The following INPP4B variants were observed in gnomAD, a reference collection of about 807,000 sequenced individuals.
INPP4B encodes inositol polyphosphate 4-phosphatase type II.
INPP4B carries 55 observed loss-of-function variants against 122.5 expected under a neutral mutation model. The observed-to-expected ratio is 0.45, with a 90% CI of 0.36 to 0.56. INPP4B has a LOEUF of 0.56. Ranked by LOEUF, INPP4B falls within the 20% of genes least tolerant of loss-of-function variation. The pLI, the probability that INPP4B is intolerant of heterozygous loss-of-function variation, is 0.00. For synonymous variants in INPP4B, 403 were observed against 388.7 expected (o/e 1.04, Z -0.43); for missense variants, 1,000 against 1,097.7 (o/e 0.91, Z 1.26).
At position 142,082,072 on chromosome 4, in the gene INPP4B, T is replaced by C. The variant is rs1368563764; in HGVS notation, c.2601A>G (p.Leu867=). 5 of 1,481,910 alleles carry C rather than the reference T, an allele frequency of 3.4e-6. No homozygotes were observed. In the South Asian group the frequency reaches 4.4e-5, roughly 13 times the overall value. The allele number at this position is 1,481,910 out of a possible 1,614,324, so 91.8% of individuals were successfully genotyped here. The part of the protein sequence containing the change: ...QCSILRDEHQ[L]HKDFFIRALD... ...GCGCTCGGATAAAGAAGTCCTTGTG[T>C]AACTGGTGCTCATCTCTCAAGATTG... The change falls in exon 25 of 26, where the codon TTA becomes TTG. Residue 867 remains leucine (L), a synonymous_variant. Coordinates refer to ENST00000262992, the MANE Select transcript of INPP4B (RefSeq NM_001101669.3).
chr4:142,475,156 G>T (rs1452303101), intron 2 of INPP4B, among the ~76,000 whole-genome samples: 1 of 152,064 alleles, frequency 6.6e-6, no homozygotes, highest in Non-Finnish European at 1.5e-5. Flanking sequence ...AAAGAAATTT[G>T]GGCATAGAGA....
At chr4:142,286,581 T>C (rs1313285927) in intron 9 of INPP4B, among the ~76,000 whole-genome samples, 1 of 152,170 alleles carries the variant, frequency 6.6e-6, no homozygotes, top group Non-Finnish European at 1.5e-5. Flanking sequence ...CTGAGATAAA[T>C]TTCTTAGAAC....
intron 12 of INPP4B, among the ~76,000 whole-genome samples, chr4:142,236,941 T>A (rs6818735): frequency 0.14 from 21,195 of 152,186 alleles, 1,796 homozygotes; most frequent in African/African-American, 0.24. Flanking sequence ...GCTAATTTAA[T>A]GAGATTTAGA....
chr4:142,270,933 TTGTGTG>T (rs58469157), intron 9 of INPP4B, among the ~76,000 whole-genome samples, 159 bp from the exon 10 acceptor site: 14 of 148,538 alleles, frequency 9.4e-5, no homozygotes, highest in African/African-American at 3.0e-4. Context: ...GGGTAGGTGT[TTGTGTG>T]TGTGTGTGTG....
In INPP4B at chr4:142,777,007, G is replaced by A. The variant is rs530141001; in HGVS notation, c.-253-51106C>T. 9.2e-5 allele frequency among the ~76,000 whole-genome samples: 14 copies of A among 152,256 alleles called. No individual in the cohort carries two copies. The South Asian group carries it at 2.9e-3, about 32-fold the overall frequency. On this transcript the variant is annotated intron_variant, in intron 1 of 25. Transcript: ENST00000262992. ...AATGCAAAAATTTTACATGATAGAGGTGAAGATGGGGAGTGAGTTTCCCTG... is the reference window on the plus strand; with the variant it reads ...AATGCAAAAATTTTACATGATAGAGATGAAGATGGGGAGTGAGTTTCCCTG...
intron 1 of INPP4B, among the ~76,000 whole-genome samples, chr4:142,839,985 G>A (rs936569957): frequency 2.6e-5 from 4 of 152,110 alleles, no homozygotes; most frequent in Admixed American, 6.5e-5. Flanking sequence ...TACAGAGATC[G>A]CATTCTGATG....
At chr4:142,540,274 CTATT>C (rs1828782065) in intron 2 of INPP4B, among the ~76,000 whole-genome samples, 1 of 151,514 alleles carries the variant, frequency 6.6e-6, no homozygotes, top group Admixed American at 6.6e-5. Flanking sequence ...TGAGGCCAAA[CTATT>C]TAATCTCCAA....
chr4:142,713,611 G>A (rs933870094), intron 2 of INPP4B, among the ~76,000 whole-genome samples: 2 of 152,134 alleles, frequency 1.3e-5, no homozygotes, highest in South Asian at 2.1e-4. Flanking sequence ...ACATTTTCTT[G>A]AACTAATAAT....
At chr4:142,319,545 C>T (rs759057663) in intron 7 of INPP4B, among the ~76,000 whole-genome samples, 8 of 152,206 alleles carry the variant, frequency 5.3e-5, no homozygotes, top group Non-Finnish European at 1.2e-4. Flanking sequence ...AGCTACTCAA[C>T]CAGGATTCCA....
At chr4:142,349,158 T>C (rs1323600517) in intron 7 of INPP4B, among the ~76,000 whole-genome samples, 2 of 151,974 alleles carry the variant, frequency 1.3e-5, no homozygotes, top group African/African-American at 2.4e-5. Flanking sequence ...TTAACTTGAG[T>C]CAATTATCAG....
At chr4:142,122,320 T>A in intron 20 of INPP4B, 75 bp from the exon 21 acceptor site, 1 of 1,054,018 alleles carries the variant, frequency 9.5e-7, no homozygotes, top group Non-Finnish European at 1.5e-6. Context: ...GCCTCCCTGC[T>A]GGAATTTGTT....
At chr4:142,170,523 A>C (rs1825105729) in intron 16 of INPP4B, among the ~76,000 whole-genome samples, 1 of 151,764 alleles carries the variant, frequency 6.6e-6, no homozygotes, top group Non-Finnish European at 1.5e-5. Context: ...TGTGATTGTG[A>C]GTAAATTTAA....
intron 1 of INPP4B, among the ~76,000 whole-genome samples, chr4:142,800,674 C>T (rs1187519278): frequency 6.6e-6 from 1 of 152,110 alleles, no homozygotes; most frequent in Admixed American, 6.5e-5. Flanking sequence ...TAGCTTATAA[C>T]CCTAAAACAC....
chr4:142,681,522 G>A (rs1758614292), intron 2 of INPP4B, among the ~76,000 whole-genome samples: 1 of 151,804 alleles, frequency 6.6e-6, no homozygotes, highest in South Asian at 2.1e-4. Context: ...TTTAAAAGTG[G>A]CATTAATTTT....
At chr4:142,159,918 T>C (rs2636637) in intron 17 of INPP4B, among the ~76,000 whole-genome samples, 110,823 of 151,932 alleles carry the variant, frequency 0.73, 41,850 homozygotes, top group South Asian at 0.83. Flanking sequence ...GAGATATCTA[T>C]GTCTATTGTC....
intron 12 of INPP4B, among the ~76,000 whole-genome samples, chr4:142,227,885 A>T (rs1852309327): frequency 6.6e-6 from 1 of 150,868 alleles, no homozygotes; most frequent in Admixed American, 6.6e-5. Context: ...AAAAAAGAAA[A>T]AAAATTAAAC....
intron 2 of INPP4B, among the ~76,000 whole-genome samples, chr4:142,710,678 C>T (rs1763011300): frequency 6.6e-6 from 1 of 152,210 alleles, no homozygotes; most frequent in Non-Finnish European, 1.5e-5. Context: ...ACCTATACCT[C>T]ATTACTTCCC....
intron 2 of INPP4B, among the ~76,000 whole-genome samples, chr4:142,643,621 C>T (rs941753051): frequency 6.6e-6 from 1 of 152,124 alleles, no homozygotes; most frequent in Non-Finnish European, 1.5e-5. Context: ...AAAGATAACT[C>T]TGTAACAGCT....
intron 17 of INPP4B, among the ~76,000 whole-genome samples, chr4:142,155,086 A>G (rs1816468059): frequency 6.6e-6 from 1 of 151,888 alleles, no homozygotes; most frequent in South Asian, 2.1e-4. Context: ...TTGGAAGTAA[A>G]TGGCCATATT....
Sources: allele counts gnomAD v4.1 joint callset (sites outside exome capture counted in the v4.1 genomes callset), GRCh38; gene constraint gnomAD v4.1.1; transcripts MANE v1.5; gene names NCBI Gene and HGNC (gene_info 2026-07-23, HGNC 2026-07-21).